DCAF6: variants seen among roughly 807,000 people sequenced by gnomAD.
DCAF6 encodes DDB1- and CUL4-associated factor 6.
DCAF6 carries 54 observed loss-of-function variants against 125.1 expected under a neutral mutation model. That is an observed-to-expected ratio of 0.43 (90% CI 0.35 to 0.54). The LOEUF is 0.54. DCAF6 is among the 20% of genes least tolerant of loss of function. The pLI is 0.01. For missense variants in DCAF6, 934 were observed against 1,161.7 expected (o/e 0.80, Z 2.85); for synonymous variants, 371 against 390.4 (o/e 0.95, Z 0.58).
intron 13 of DCAF6, among the ~76,000 whole-genome samples, chr1:168,041,236 C>T (rs1167602035): frequency 6.6e-6 from 1 of 152,010 alleles, no homozygotes; most frequent in African/African-American, 2.4e-5. Flanking sequence ...TGTAAATTGT[C>T]TTTCAGATAC....
At chr1:167,970,115 G>C (rs1677075652) in intron 3 of DCAF6, among the ~76,000 whole-genome samples, 1 of 152,132 alleles carries the variant, frequency 6.6e-6, no homozygotes, top group Non-Finnish European at 1.5e-5. Flanking sequence ...CTGAAATAAT[G>C]TATATGTAGA....
At chr1:167,915,598 G>T in the DCAF6 span, among the ~76,000 whole-genome samples, 1 of 152,222 alleles carries the variant, frequency 6.6e-6, no homozygotes, top group East Asian at 1.9e-4. Context: ...TTACAGGCAT[G>T]TGCCACCATA....
chr1:168,026,464 G>A (rs1686353859), intron 12 of DCAF6, among the ~76,000 whole-genome samples: 2 of 152,104 alleles, frequency 1.3e-5, no homozygotes, highest in African/African-American at 4.8e-5. Flanking sequence ...CACGTAAGAG[G>A]CCATTGCTAT....
chr1:168,009,358 CCTTCCTT>C (rs1557970826), intron 10 of DCAF6, among the ~76,000 whole-genome samples: 268 of 131,628 alleles, frequency 2.0e-3, no homozygotes, highest in African/African-American at 9.0e-3. Flanking sequence ...TTCCTTCCTT[CCTTCCTT>C]CCTTCCTTCC....
intron 17 of DCAF6, among the ~76,000 whole-genome samples, chr1:168,060,997 CAA>C (rs1691522493): frequency 6.6e-6 from 1 of 152,182 alleles, no homozygotes; most frequent in African/African-American, 2.4e-5. Context: ...ACTTTCTTAG[CAA>C]AAGAGTTTTT....
At chr1:167,883,289 C>T in the DCAF6 span, 1 of 838,680 alleles carries the variant, frequency 1.2e-6, no homozygotes. Context: ...CCGCCCACCT[C>T]TGCCTCCCAA....
the DCAF6 span, chr1:167,878,693 T>C: frequency 1.3e-6 from 2 of 1,536,948 alleles, no homozygotes; most frequent in South Asian, 2.3e-5. Flanking sequence ...GAACTGAATG[T>C]AATCTGAAAC....
intron 17 of DCAF6, 126 bp from the exon 18 acceptor site, chr1:168,063,495 T>C (rs1691872048): frequency 1.4e-6 from 1 of 709,488 alleles, no homozygotes; most frequent in Non-Finnish European, 2.1e-6. Context: ...TGCTTTTGGT[T>C]GGGGGTGCCT....
the DCAF6 span, among the ~76,000 whole-genome samples, chr1:167,872,853 C>T: frequency 1.3e-5 from 2 of 150,940 alleles, no homozygotes; most frequent in Admixed American, 6.6e-5. Flanking sequence ...GGGCAGATCA[C>T]GAGATCAGGA....
intron 12 of DCAF6, among the ~76,000 whole-genome samples, chr1:168,031,135 A>G (rs986212289): frequency 2.0e-5 from 3 of 152,234 alleles, no homozygotes; most frequent in Admixed American, 2.0e-4. Flanking sequence ...TTTTGCATAC[A>G]GATGTTAACT....
the DCAF6 span, among the ~76,000 whole-genome samples, chr1:167,899,884 C>A: frequency 2.0e-5 from 3 of 152,320 alleles, no homozygotes; most frequent in South Asian, 6.2e-4. Flanking sequence ...ATGGTCCTAC[C>A]AGTCCCCAAA....
At chr1:167,908,789 G>GA in the DCAF6 span, among the ~76,000 whole-genome samples, 1 of 152,106 alleles carries the variant, frequency 6.6e-6, no homozygotes, top group Non-Finnish European at 1.5e-5. Flanking sequence ...CCAAAATAAT[G>GA]AAATTTCAAA....
At chr1:167,986,318 G>A (rs749597806) in intron 4 of DCAF6, among the ~76,000 whole-genome samples, 1 of 152,126 alleles carries the variant, frequency 6.6e-6, no homozygotes, top group African/African-American at 2.4e-5. Flanking sequence ...ACTCCCATCA[G>A]CAATGTGTTC....
the DCAF6 span, chr1:167,896,556 T>C: frequency 1.3e-6 from 2 of 1,501,606 alleles, no homozygotes; most frequent in Non-Finnish European, 1.9e-6. Flanking sequence ...TACTGACCAC[T>C]GGTAGAGGCA....
chr1:168,007,962 CTTTTTTTTTT>C (rs35185748), intron 10 of DCAF6, among the ~76,000 whole-genome samples: 31 of 67,484 alleles, frequency 4.6e-4, no homozygotes, highest in African/African-American at 1.1e-3. Flanking sequence ...TGTTGTACAT[CTTTTTTTTTT>C]TTTTTTTTTT....
At chr1:168,062,486 C>T (rs940427902) in intron 17 of DCAF6, among the ~76,000 whole-genome samples, 6 of 152,088 alleles carry the variant, frequency 3.9e-5, no homozygotes, top group African/African-American at 4.8e-5. Flanking sequence ...TGAACTCTTA[C>T]CATTCTGATA....
At chr1:167,935,654 G>A, upstream of DCAF6, 3 of 1,219,708 alleles carry the variant, frequency 2.5e-6, no homozygotes, top group Non-Finnish European at 3.5e-6. Flanking sequence ...AGAGGCAGTT[G>A]TCAGAGGGCC....
chr1:167,927,566 G>T, the DCAF6 span, among the ~76,000 whole-genome samples: 1 of 152,170 alleles, frequency 6.6e-6, no homozygotes. Context: ...GACTTCTCTT[G>T]TTCTATTTGA....
chr1:168,016,699 TA>T (rs1685019951), intron 11 of DCAF6, among the ~76,000 whole-genome samples: 1 of 152,110 alleles, frequency 6.6e-6, no homozygotes. Flanking sequence ...TAGCACAAAA[TA>T]ATTTGTCAAC....
Sources: gnomAD v4.1 joint callset for allele counts (sites outside exome capture counted in the v4.1 genomes callset) on GRCh38, gnomAD v4.1.1 for gene constraint, MANE v1.5 for transcripts, NCBI Gene and HGNC (gene_info 2026-07-23, HGNC 2026-07-21) for gene names.